The following CCDC186 variants were observed in gnomAD, a reference collection of about 807,000 sequenced individuals.
The protein encoded by CCDC186 is coiled-coil domain containing 186.
In CCDC186, 49 loss-of-function variants were observed where a neutral mutation model predicts 113.7. The observed-to-expected ratio is 0.43, with a 90% CI of 0.34 to 0.55. CCDC186 has a LOEUF of 0.55. Ranked by LOEUF, CCDC186 falls within the 20% of genes least tolerant of loss-of-function variation. CCDC186 has a pLI of 0.02. For synonymous variants in CCDC186, 355 were observed against 345.8 expected (o/e 1.03, Z -0.30); for missense variants, 890 against 1,011.1 (o/e 0.88, Z 1.62).
intron 6 of CCDC186, among the ~76,000 whole-genome samples, chr10:114,138,037 C>CAAAAAAAAAAAAAAAAAAA (rs1564908401): frequency 8.8e-5 from 2 of 22,830 alleles, no homozygotes; most frequent in African/African-American, 1.5e-4. Context: ...AACTCGGTCT[C>CAAAAAAAAAAAAAAAAAAA]AAAAAAAAAA....
chr10:114,172,595 C>G (rs2032526819), intron 1 of CCDC186, among the ~76,000 whole-genome samples: 1 of 152,168 alleles, frequency 6.6e-6, no homozygotes, highest in African/African-American at 2.4e-5. Flanking sequence ...TTTAACAGGG[C>G]CTTTAAAAAA....
At chr10:114,169,756 T>C (rs1397490753) in intron 1 of CCDC186, among the ~76,000 whole-genome samples, 1 of 152,224 alleles carries the variant, frequency 6.6e-6, no homozygotes, top group Non-Finnish European at 1.5e-5. Flanking sequence ...TCAAGATTGA[T>C]ATTGTAATTA....
intron 1 of CCDC186, among the ~76,000 whole-genome samples, chr10:114,170,394 A>G (rs2032457802): frequency 6.6e-6 from 1 of 152,128 alleles, no homozygotes; most frequent in African/African-American, 2.4e-5. Flanking sequence ...GTCAGAGGTC[A>G]CTTGCAGCCT....
chr10:114,152,527 ATTTAAAT>A (rs751134902), intron 3 of CCDC186, among the ~76,000 whole-genome samples: 84 of 152,326 alleles, frequency 5.5e-4, no homozygotes, highest in Admixed American at 1.1e-3. Context: ...CATGAAAGAA[ATTTAAAT>A]GTTATATTGG....
intron 1 of CCDC186, 131 bp from the exon 2 acceptor site, chr10:114,163,460 C>A: frequency 2.6e-6 from 2 of 772,956 alleles, no homozygotes; most frequent in Non-Finnish European, 3.8e-6. Context: ...AAAGCCTGTC[C>A]TTGAGAAAAA....
intron 2 of CCDC186, among the ~76,000 whole-genome samples, chr10:114,161,264 G>A (rs573632466): frequency 6.6e-6 from 1 of 152,304 alleles, no homozygotes; most frequent in South Asian, 2.1e-4. Flanking sequence ...ATGTGGCCTT[G>A]AGCAAGTTAC....
intron 6 of CCDC186, 66 bp downstream of exon 6, chr10:114,144,420 TCAAAAAAAAAA>T (rs911367421): frequency 2.3e-5 from 34 of 1,471,748 alleles, no homozygotes; most frequent in Non-Finnish European, 3.0e-5. Flanking sequence ...AGACTCCGTC[TCAAAAAAAAAA>T]CAAAAACAAA....
At chr10:114,130,908 C>T (rs897397001) in intron 12 of CCDC186, 30 of 356,638 alleles carry the variant, frequency 8.4e-5, no homozygotes, top group Non-Finnish European at 1.5e-4. Context: ...AATGCCCTAA[C>T]ATTGCTTTCC....
At chr10:114,172,263 T>A (rs1185153706) in intron 1 of CCDC186, among the ~76,000 whole-genome samples, 1 of 152,256 alleles carries the variant, frequency 6.6e-6, no homozygotes, top group Non-Finnish European at 1.5e-5. Context: ...CAAATAAAGC[T>A]GCTTTGTGCT....
intron 1 of CCDC186, among the ~76,000 whole-genome samples, chr10:114,172,528 C>T (rs2032524328): frequency 6.6e-6 from 1 of 152,210 alleles, no homozygotes; most frequent in Non-Finnish European, 1.5e-5. Context: ...GCCAATGACA[C>T]ACTATGGAAT....
At chr10:114,153,762 G>A (rs1309865157) in intron 3 of CCDC186, among the ~76,000 whole-genome samples, 14 of 149,712 alleles carry the variant, frequency 9.4e-5, no homozygotes, top group African/African-American at 3.5e-4. Context: ...CTCCGGTCTG[G>A]GTGACAAGAG....
rs1372919539 is a variant in CCDC186, at chr10:114,126,886, CTGAGTTA to C, written c.2393+568_2393+574del. On this transcript the variant is annotated intron_variant, in intron 14 of 15. Transcript: ENST00000369287. ...GTGAGAGGAATTTGGCGCAGCACTCCTGAGTTACTCAGAGCTGGGTTTGGATCTCCAG... is the reference window on the plus strand; with the variant it reads ...GTGAGAGGAATTTGGCGCAGCACTCCCTCAGAGCTGGGTTTGGATCTCCAG... Among the ~76,000 whole-genome samples, 3 of 152,302 alleles carry C rather than the reference CTGAGTTA, an allele frequency of 2.0e-5. No individual in the cohort carries two copies. In the East Asian group the frequency reaches 5.8e-4, roughly 29 times the overall value.
At position 114,144,565 on chromosome 10, in the gene CCDC186, T is replaced by C; in HGVS notation, c.1153A>G (p.Ile385Val). 6.2e-7 allele frequency: 1 copy of C among 1,613,164 alleles called. No individual in the cohort carries two copies. The highest frequency in any genetic ancestry group is 8.5e-7 in the Non-Finnish European group (1 of 1,179,288). The change falls in exon 6 of 16, where the codon ATT becomes GTT. Residue 385 changes from isoleucine to valine, a missense_variant. Transcript: ENST00000369287. ...IREIDKLKED[I>V]NSHVIKVKWA... Reference sequence around the variant, plus strand: ...TTTACTTTGATGACGTGAGAGTTAATGTCTTCCTTTAATTTGTCTATTTCT... The same window carrying C: ...TTTACTTTGATGACGTGAGAGTTAACGTCTTCCTTTAATTTGTCTATTTCT...
At chr10:114,128,404 C>T (rs2030982136) in intron 13 of CCDC186, among the ~76,000 whole-genome samples, 1 of 152,162 alleles carries the variant, frequency 6.6e-6, no homozygotes, top group Non-Finnish European at 1.5e-5. Context: ...AAATACATGT[C>T]TATAATTTCA....
At chr10:114,128,413 C>A (rs1407864614) in intron 13 of CCDC186, among the ~76,000 whole-genome samples, 1 of 152,094 alleles carries the variant, frequency 6.6e-6, no homozygotes. Flanking sequence ...TCTATAATTT[C>A]AAATCCATGT....
chr10:114,157,697 C>T lies in CCDC186; in HGVS notation c.633-17G>A. 1 of 1,548,692 alleles carries T rather than the reference C, an allele frequency of 6.5e-7. No individual in the cohort carries two copies. Among genetic ancestry groups the T allele is most frequent in the Non-Finnish European group, 8.7e-7 (1 of 1,144,692 alleles). On this transcript the variant is annotated splice_polypyrimidine_tract_variant and intron_variant, in intron 2 of 15. Transcript: ENST00000369287. ...TTAATTAACCTAAATATAAAAAGGG[C>T]AGTGTATGTAAAACATAATTTAAAA...
chr10:114,128,128 T>C (rs930591240), intron 13 of CCDC186, among the ~76,000 whole-genome samples: 2 of 152,206 alleles, frequency 1.3e-5, no homozygotes, highest in Admixed American at 6.5e-5. Context: ...TTCTGTGCCT[T>C]GGTTATGTCA....
intron 4 of CCDC186, among the ~76,000 whole-genome samples, chr10:114,150,317 T>C (rs1438880566): frequency 6.6e-6 from 1 of 152,154 alleles, no homozygotes; most frequent in Non-Finnish European, 1.5e-5. Flanking sequence ...CTGCTTAAAA[T>C]TACCTCTTCT....
At chr10:114,173,497 G>T (rs972999502) in intron 1 of CCDC186, among the ~76,000 whole-genome samples, 1 of 152,158 alleles carries the variant, frequency 6.6e-6, no homozygotes, top group African/African-American at 2.4e-5. Flanking sequence ...ATAAAGAACA[G>T]TATCCACCAC....
Sources: allele counts gnomAD v4.1 joint callset (sites outside exome capture counted in the v4.1 genomes callset), GRCh38; gene constraint gnomAD v4.1.1; transcripts MANE v1.5; gene names NCBI Gene and HGNC (gene_info 2026-07-23, HGNC 2026-07-21).